ZNF423: variants seen among roughly 807,000 people sequenced by gnomAD.
The protein encoded by ZNF423 is zinc finger protein 423.
Under a neutral mutation model 95.8 loss-of-function variants are expected in ZNF423, and 12 were observed. The observed-to-expected ratio is 0.13, with a 90% CI of 0.08 to 0.20. The LOEUF (loss-of-function observed/expected upper bound fraction) is 0.20, where lower values mean the gene tolerates loss of function less well. ZNF423 is among the 10% of genes least tolerant of loss of function. The probability of loss-of-function intolerance (pLI) is 1.00; values close to 1 mark genes in which losing one functional copy is unlikely to be tolerated. For missense variants in ZNF423, 1,316 were observed against 1,737.1 expected (o/e 0.76, Z 4.31); for synonymous variants, 749 against 711.9 (o/e 1.05, Z -0.83).
intron 6 of ZNF423, among the ~76,000 whole-genome samples, chr16:49,524,294 G>T (rs1968517671): frequency 6.6e-6 from 1 of 152,212 alleles, no homozygotes; most frequent in Non-Finnish European, 1.5e-5. Context: ...GCTCAGCACA[G>T]GGTCTTGTAC....
chr16:49,706,537 TC>T (rs1209555150), intron 3 of ZNF423, among the ~76,000 whole-genome samples: 3 of 152,170 alleles, frequency 2.0e-5, no homozygotes, highest in African/African-American at 7.2e-5. Flanking sequence ...CCAGGGCCAC[TC>T]CACCGCCTGG....
chr16:49,623,420 A>G (rs761241573), intron 5 of ZNF423, among the ~76,000 whole-genome samples: 1 of 152,238 alleles, frequency 6.6e-6, no homozygotes, highest in African/African-American at 2.4e-5. Flanking sequence ...CAGGCTCTGC[A>G]CTAAAGGCAA....
At chr16:49,857,306 TGGCGGCGGC>T (rs59062897), upstream of ZNF423, among the ~76,000 whole-genome samples, 474 of 144,466 alleles carry the variant, frequency 3.3e-3, no homozygotes, top group African/African-American at 0.011. The surrounding 1 kb of genome is among the most constrained non-coding windows in gnomAD (Gnocchi z 6.2). Flanking sequence ...CGGACCGTGG[TGGCGGCGGC>T]GGCGGCGGCG....
chr16:49,818,276 C>T (rs1164859832), intron 1 of ZNF423, among the ~76,000 whole-genome samples: 5 of 151,002 alleles, frequency 3.3e-5, no homozygotes, highest in African/African-American at 1.2e-4. Flanking sequence ...TGCCCGGGCG[C>T]CCACAGAGAT....
chr16:49,737,535 C>T (rs908740359), intron 2 of ZNF423, among the ~76,000 whole-genome samples: 5 of 152,236 alleles, frequency 3.3e-5, no homozygotes, highest in African/African-American at 1.2e-4. Flanking sequence ...GCTGGGAATA[C>T]AGGTGTGAGC....
Position 49,505,569 on chromosome 16 carries a change from T to C in ZNF423, c.3850-14265A>G, listed in dbSNP as rs962775546. 6.9e-4 allele frequency among the ~76,000 whole-genome samples: 105 copies of C among 151,166 alleles called. 1 individual carries two copies. The highest frequency in any genetic ancestry group is 1.9e-3 in the African/African-American group (80 of 41,034). On this transcript the variant is annotated intron_variant, in intron 7 of 7. Coordinates refer to ENST00000563137, the MANE Select transcript of ZNF423 (RefSeq NM_001379286.1). The stretch of plus-strand genomic sequence containing the variant: ...GACCCCCAGGCTGCAGGGCAGAAGC[T>C]TGTAAGGATGGACCTAATTTGCTGT...
intron 5 of ZNF423, among the ~76,000 whole-genome samples, chr16:49,571,251 A>G (rs1367531138): frequency 6.6e-6 from 1 of 151,898 alleles, no homozygotes; most frequent in African/African-American, 2.4e-5. Flanking sequence ...ACAAGCATCA[A>G]ATGTTTACTG....
At chr16:49,790,318 C>T (rs995533095) in intron 1 of ZNF423, among the ~76,000 whole-genome samples, 2 of 152,254 alleles carry the variant, frequency 1.3e-5, no homozygotes, top group Non-Finnish European at 2.9e-5. Flanking sequence ...CCATGAACCA[C>T]CCAGTTCTCT....
intron 3 of ZNF423, among the ~76,000 whole-genome samples, chr16:49,650,768 A>G (rs1033726591): frequency 1.3e-5 from 2 of 152,200 alleles, no homozygotes; most frequent in Non-Finnish European, 2.9e-5. Flanking sequence ...GTTAGGTCAC[A>G]TCCTGACATC....
chr16:49,669,235 G>A (rs1439991654), intron 3 of ZNF423, among the ~76,000 whole-genome samples: 1 of 151,866 alleles, frequency 6.6e-6, no homozygotes, highest in South Asian at 2.1e-4. Flanking sequence ...AGGCTGAGGT[G>A]GGAGAATCAC....
chr16:49,519,428 C>A (rs528724934), intron 7 of ZNF423, among the ~76,000 whole-genome samples: 1 of 152,338 alleles, frequency 6.6e-6, no homozygotes, highest in African/African-American at 2.4e-5. Flanking sequence ...CTATCCCGCC[C>A]TCACCAACTC....
At chr16:49,534,243 TTTTTG>T (rs1968970448) in intron 5 of ZNF423, among the ~76,000 whole-genome samples, 1 of 8,170 alleles carries the variant, frequency 1.2e-4, no homozygotes, top group African/African-American at 5.3e-4. Flanking sequence ...TCCTTCTTTT[TTTTTG>T]TTTTTTTTTT....
intron 2 of ZNF423, among the ~76,000 whole-genome samples, chr16:49,753,487 C>G (rs2033669169): frequency 6.6e-6 from 1 of 151,088 alleles, no homozygotes; most frequent in Non-Finnish European, 1.5e-5. Flanking sequence ...CCTGTAGTCC[C>G]AGCTACTTGG....
At chr16:49,662,868 A>G (rs999022) in intron 3 of ZNF423, among the ~76,000 whole-genome samples, 34,541 of 152,216 alleles carry the variant, frequency 0.23, 4,286 homozygotes, top group South Asian at 0.4. Flanking sequence ...TGAGATGCCC[A>G]CGTGGGGCTC....
rs368847069 is a variant in ZNF423, at chr16:49,637,960, G to T, written c.1216C>A (p.Arg406=). 3 of 1,614,104 alleles carry T rather than the reference G, an allele frequency of 1.9e-6. No homozygotes were observed. The highest frequency in any genetic ancestry group is 2.5e-6 in the Non-Finnish European group (3 of 1,180,034). ...TTGGTCCAGCCCTGCCCGTCATCCC[G>T]CATCTTCTTCTGCCCCCGCAGCGGC... ...LKPLRGQKKM[R]DDGQGWTKVV... The change falls in exon 4 of 8, where the codon CGG becomes AGG. Residue 406 remains arginine (R), a synonymous_variant. Coordinates refer to ENST00000563137, the MANE Select transcript of ZNF423 (RefSeq NM_001379286.1). The surrounding 1 kb of genome is among the most constrained non-coding windows in gnomAD (Gnocchi z 5.6).
At chr16:49,828,063 G>A (rs1238186129) in intron 1 of ZNF423, among the ~76,000 whole-genome samples, 1 of 152,180 alleles carries the variant, frequency 6.6e-6, no homozygotes, top group African/African-American at 2.4e-5. Flanking sequence ...GACTTTTCAC[G>A]AAATTCACAG....
chr16:49,644,684 A>C lies in ZNF423; in HGVS notation c.302-5810T>G, dbSNP rs59738491. Among the ~76,000 whole-genome samples, 576 of 130,622 alleles carry C rather than the reference A, an allele frequency of 4.4e-3. 1 individual carries two copies. The highest frequency in any genetic ancestry group is 0.012 in the African/African-American group (386 of 31,422). The allele number at this position is 130,622 out of a possible 152,430, so 85.7% of individuals were successfully genotyped here. On this transcript the variant is annotated intron_variant, in intron 3 of 7. Coordinates refer to ENST00000563137, the MANE Select transcript of ZNF423 (RefSeq NM_001379286.1). ...AAAAAAAAAAAAAAAAAAAAAAAAA[A>C]AAAAAAAAAAAAACCGTGAGCCTAC... is the stretch of plus-strand genomic sequence containing the variant.
At chr16:49,793,061 C>A (rs1306757763) in intron 1 of ZNF423, among the ~76,000 whole-genome samples, 2 of 152,146 alleles carry the variant, frequency 1.3e-5, no homozygotes, top group African/African-American at 4.8e-5. Context: ...AGCCACCACG[C>A]CTGGTTTTTA....
chr16:49,723,093 C>T (rs957504514), intron 3 of ZNF423, among the ~76,000 whole-genome samples: 1 of 151,578 alleles, frequency 6.6e-6, no homozygotes, highest in Admixed American at 6.6e-5. Context: ...GTAGCTGGGA[C>T]TACAGGCACC....
Sources: gnomAD v4.1 joint callset for allele counts (sites outside exome capture counted in the v4.1 genomes callset) on GRCh38, gnomAD v4.1.1 for gene constraint, Gnocchi (gnomAD v3.1) non-coding constraint, MANE v1.5 for transcripts, NCBI Gene and HGNC (gene_info 2026-07-23, HGNC 2026-07-21) for gene names.